The following EEFSEC variants were observed in gnomAD, a reference collection of about 807,000 sequenced individuals.
EEFSEC encodes eukaryotic elongation factor, selenocysteine-tRNA specific.
A neutral mutation model predicts 42.1 loss-of-function variants in EEFSEC; 43 were observed. The observed-to-expected ratio is 1.02, with a 90% CI of 0.80 to 1.32. The LOEUF is 1.32. Among genes scored for constraint, EEFSEC ranks in the 40% most tolerant of loss-of-function variants. The probability of loss-of-function intolerance (pLI) is 0.00; values close to 1 mark genes in which losing one functional copy is unlikely to be tolerated. For synonymous variants in EEFSEC, 354 were observed against 339.1 expected, an observed-to-expected ratio of 1.04 and a Z score of -0.48; for missense variants, 745 against 803.6, an observed-to-expected ratio of 0.93 and a Z score of 0.88.
the EEFSEC span, among the ~76,000 whole-genome samples, chr3:128,417,285 C>A: frequency 6.6e-6 from 1 of 152,114 alleles, no homozygotes; most frequent in Non-Finnish European, 1.5e-5. This position sits in a 1 kb window ranked among gnomAD's most constrained non-coding sequence, Gnocchi z 4.3. Flanking sequence ...AGGCCCTGCA[C>A]GACCTCCCTG....
At chr3:128,200,273 C>A (rs1277107471) in intron 1 of EEFSEC, among the ~76,000 whole-genome samples, 1 of 152,130 alleles carries the variant, frequency 6.6e-6, no homozygotes, top group African/African-American at 2.4e-5. Context: ...GGAAATCTTT[C>A]TCCAAACTCT....
chr3:128,423,419 C>CA, the EEFSEC span, among the ~76,000 whole-genome samples: 2 of 152,068 alleles, frequency 1.3e-5, no homozygotes. Flanking sequence ...CCAGAGGCCC[C>CA]AGTGAGCTAT....
At chr3:128,351,401 A>G (rs184696748) in intron 5 of EEFSEC, among the ~76,000 whole-genome samples, 1 of 152,146 alleles carries the variant, frequency 6.6e-6, no homozygotes, top group Admixed American at 6.5e-5. Flanking sequence ...ACCTTTTTCA[A>G]GGAGGAAACT....
At position 128,301,991 on chromosome 3, in the gene EEFSEC, T is replaced by C. The variant is rs571698879; in HGVS notation, c.786+37210T>C. On this transcript the variant is annotated intron_variant, in intron 4 of 6. Transcript: ENST00000254730. ...TGGAGTGAAGATGAATTTTTCTCATTGAAGTGGAAAAACTGCTGATTTTTA... is the reference window on the plus strand; with the variant it reads ...TGGAGTGAAGATGAATTTTTCTCATCGAAGTGGAAAAACTGCTGATTTTTA... Among the ~76,000 whole-genome samples, 18 of 152,304 alleles carry C rather than the reference T, an allele frequency of 1.2e-4. No homozygotes were observed. In the East Asian group the frequency reaches 3.5e-3, roughly 29 times the overall value.
At chr3:128,255,484 C>G (rs2066232525) in intron 2 of EEFSEC, among the ~76,000 whole-genome samples, 1 of 152,176 alleles carries the variant, frequency 6.6e-6, no homozygotes, top group Non-Finnish European at 1.5e-5. Flanking sequence ...CTCTTAGTGT[C>G]ACATGGAATT....
intron 5 of EEFSEC, among the ~76,000 whole-genome samples, chr3:128,354,751 T>C (rs1291433377): frequency 6.6e-6 from 1 of 152,138 alleles, no homozygotes; most frequent in Admixed American, 6.5e-5. Context: ...CTTTTTAAAG[T>C]TAATATTTTA....
At chr3:128,226,064 C>T (rs562729793) in intron 1 of EEFSEC, among the ~76,000 whole-genome samples, 1 of 152,324 alleles carries the variant, frequency 6.6e-6, no homozygotes, top group East Asian at 1.9e-4. Context: ...GGCAGGAGCT[C>T]AGGGGCTGTG....
chr3:128,236,122 C>T (rs572380269), intron 1 of EEFSEC, among the ~76,000 whole-genome samples: 79 of 152,294 alleles, frequency 5.2e-4, no homozygotes, highest in African/African-American at 1.7e-3. Context: ...ACACCAGGCA[C>T]GCAACACCCC....
chr3:128,323,977 C>T (rs142635405), intron 4 of EEFSEC, among the ~76,000 whole-genome samples: 5 of 152,218 alleles, frequency 3.3e-5, no homozygotes, highest in African/African-American at 7.2e-5. Context: ...GAAACCAGAC[C>T]GTTGAAGGGG....
Position 128,363,817 on chromosome 3 carries a change from G to A in EEFSEC, c.1600+5444G>A, listed in dbSNP as rs954559067. Among the ~76,000 whole-genome samples the A allele has an allele frequency of 4.6e-5, 7 of 152,306 alleles. No homozygotes were observed. The South Asian group carries it at 8.3e-4, about 18-fold the overall frequency. On this transcript the variant is annotated intron_variant, in intron 6 of 6. Transcript: ENST00000254730. ...GGAATGAACAAATGAATGTACCCAG[G>A]CCCACGAGGGCCACTCTCAGCTCTG... is the stretch of plus-strand genomic sequence containing the variant.
At chr3:128,236,333 A>C (rs2066010291) in intron 1 of EEFSEC, among the ~76,000 whole-genome samples, 1 of 152,118 alleles carries the variant, frequency 6.6e-6, no homozygotes, top group Non-Finnish European at 1.5e-5. Context: ...TGGGTTCTGG[A>C]GCCACATAGC....
chr3:128,353,457 C>T (rs2067413569), intron 5 of EEFSEC, among the ~76,000 whole-genome samples: 1 of 152,224 alleles, frequency 6.6e-6, no homozygotes, highest in African/African-American at 2.4e-5. Context: ...CTCTTTCCCT[C>T]CTCTCCTCCT....
intron 1 of EEFSEC, among the ~76,000 whole-genome samples, chr3:128,242,815 G>T (rs1422468290): frequency 6.6e-6 from 1 of 152,162 alleles, no homozygotes. Context: ...GAAAAACTCT[G>T]ATAGATTGGG....
In EEFSEC at chr3:128,265,784, C is replaced by T. The variant is rs149960325; in HGVS notation, c.786+1003C>T. Among the ~76,000 whole-genome samples, 7 of 152,094 alleles carry T rather than the reference C, an allele frequency of 4.6e-5. No homozygotes were observed. In the East Asian group the frequency reaches 5.8e-4, roughly 13 times the overall value. ...ACTAGGTGTGTTGGTTAAGGTTCTCCGGAGAAACAGAACCAATGGGAGATA... is the reference window on the plus strand; with the variant it reads ...ACTAGGTGTGTTGGTTAAGGTTCTCTGGAGAAACAGAACCAATGGGAGATA... On this transcript the variant is annotated intron_variant, in intron 4 of 6. Coordinates refer to ENST00000254730, the MANE Select transcript of EEFSEC (RefSeq NM_021937.5).
intron 4 of EEFSEC, among the ~76,000 whole-genome samples, chr3:128,287,970 C>CA (rs1374162059): frequency 1.3e-5 from 2 of 150,914 alleles, no homozygotes; most frequent in Non-Finnish European, 2.9e-5. Context: ...CCGCCCCCCC[C>CA]AAAAAACTCT....
At chr3:128,389,237 C>T (rs184690653) in intron 6 of EEFSEC, among the ~76,000 whole-genome samples, 2 of 152,364 alleles carry the variant, frequency 1.3e-5, no homozygotes, top group East Asian at 3.9e-4. Flanking sequence ...CACCCGAGGA[C>T]ATCACAGCCC....
intron 6 of EEFSEC, among the ~76,000 whole-genome samples, chr3:128,380,452 C>G (rs545087369): frequency 2.0e-5 from 3 of 152,336 alleles, no homozygotes; most frequent in African/African-American, 4.8e-5. Flanking sequence ...CACACCCTTC[C>G]CCTATCTTGT....
intron 5 of EEFSEC, 115 bp downstream of exon 5, chr3:128,342,004 C>A: frequency 1.5e-6 from 2 of 1,368,848 alleles, no homozygotes; most frequent in Non-Finnish European, 1.9e-6. Context: ...CTTCTGGTGC[C>A]AACCTCTGTA....
intron 1 of EEFSEC, among the ~76,000 whole-genome samples, chr3:128,167,583 A>G (rs2065253745): frequency 6.6e-6 from 1 of 152,244 alleles, no homozygotes; most frequent in African/African-American, 2.4e-5. Flanking sequence ...AGTTTAACTC[A>G]TAGCAGATTT....
Sources: gnomAD v4.1 joint callset for allele counts (sites outside exome capture counted in the v4.1 genomes callset) on GRCh38, gnomAD v4.1.1 for gene constraint, Gnocchi (gnomAD v3.1) non-coding constraint, MANE v1.5 for transcripts, NCBI Gene and HGNC (gene_info 2026-07-23, HGNC 2026-07-21) for gene names.